RANBP17: variants seen among roughly 807,000 people sequenced by gnomAD.
The protein encoded by RANBP17 is RAN binding protein 17.
Under a neutral mutation model 141.2 loss-of-function variants are expected in RANBP17, and 158 were observed. The ratio of observed to expected loss-of-function variants is 1.12; its 90% confidence interval spans 0.98 to 1.28. The LOEUF (loss-of-function observed/expected upper bound fraction) is 1.28, where lower values mean the gene tolerates loss of function less well. Among genes scored for constraint, RANBP17 ranks in the 50% most tolerant of loss-of-function variants. The pLI is 0.00. For synonymous variants in RANBP17, 430 were observed against 450.0 expected, an observed-to-expected ratio of 0.96 and a Z score of 0.56; for missense variants, 1,438 against 1,290.7, an observed-to-expected ratio of 1.11 and a Z score of -1.75.
chr5:171,090,774 G>A (rs960665253), intron 14 of RANBP17, among the ~76,000 whole-genome samples: 2 of 152,192 alleles, frequency 1.3e-5, no homozygotes, highest in East Asian at 1.9e-4. Flanking sequence ...GGTACAGCCC[G>A]GGCTGTTGCT....
intron 14 of RANBP17, among the ~76,000 whole-genome samples, chr5:171,068,564 T>G (rs1394657676): frequency 7.6e-6 from 1 of 131,356 alleles, no homozygotes; most frequent in African/African-American, 2.8e-5. Flanking sequence ...TGCTGTTACT[T>G]TCCTTTTGTT....
chr5:171,277,995 A>G (rs1334285635), intron 25 of RANBP17, among the ~76,000 whole-genome samples: 1 of 112,662 alleles, frequency 8.9e-6, no homozygotes, highest in Non-Finnish European at 1.7e-5. Context: ...ATTGGACAGG[A>G]GGTAGACATT....
chr5:171,125,389 A>G (rs1561679876), intron 14 of RANBP17, among the ~76,000 whole-genome samples: 1 of 151,372 alleles, frequency 6.6e-6, no homozygotes, highest in African/African-American at 2.4e-5. Context: ...TGTATATCAA[A>G]CAAAGGGTAA....
Position 171,143,812 on chromosome 5 carries a change from A to T in RANBP17, c.1711-26318A>T, listed in dbSNP as rs534756269. 2.0e-5 allele frequency among the ~76,000 whole-genome samples: 3 copies of T among 152,334 alleles called. No homozygotes were observed. In the South Asian group the frequency reaches 6.2e-4, roughly 32 times the overall value. On this transcript the variant is annotated intron_variant, in intron 14 of 27. Coordinates refer to ENST00000523189, the MANE Select transcript of RANBP17 (RefSeq NM_022897.5). The stretch of plus-strand genomic sequence containing the variant: ...TCCTAAGAGAAATTATATTTGAACG[A>T]GGTCTTAAAGATGGAGATGATTTTG...
Position 171,272,371 on chromosome 5 carries a change from A to G in RANBP17, c.2943+6524A>G, listed in dbSNP as rs528703039. The stretch of plus-strand genomic sequence containing the variant: ...AAGCTTTAAAATTTAGAAATTTAAG[A>G]AATAAAATTTTTCAAATGTAAGTGC... On this transcript the variant is annotated intron_variant, in intron 25 of 27. Coordinates refer to ENST00000523189, the MANE Select transcript of RANBP17 (RefSeq NM_022897.5). 3.3e-5 allele frequency among the ~76,000 whole-genome samples: 5 copies of G among 152,326 alleles called. No homozygotes were observed. The South Asian group carries it at 1.0e-3, about 32-fold the overall frequency.
intron 13 of RANBP17, among the ~76,000 whole-genome samples, chr5:170,964,279 A>T (rs1490162928): frequency 6.6e-6 from 1 of 152,232 alleles, no homozygotes; most frequent in African/African-American, 2.4e-5. Context: ...CAAGATTGTT[A>T]ATTGCAGCAT....
At chr5:171,224,086 C>G (rs1171092793) in intron 22 of RANBP17, among the ~76,000 whole-genome samples, 3 of 152,136 alleles carry the variant, frequency 2.0e-5, no homozygotes, top group Non-Finnish European at 4.4e-5. Flanking sequence ...CCTTCCAAAG[C>G]CTTTCTCTTA....
chr5:171,277,637 G>GTGTGTATGTATATA (rs1437482589), intron 25 of RANBP17, among the ~76,000 whole-genome samples: 1 of 56,920 alleles, frequency 1.8e-5, no homozygotes, highest in African/African-American at 5.8e-5. Flanking sequence ...ATATATGTAT[G>GTGTGTATGTATATA]TATATATATA....
At chr5:171,138,885 G>T (rs192220720) in intron 14 of RANBP17, among the ~76,000 whole-genome samples, 1 of 152,092 alleles carries the variant, frequency 6.6e-6, no homozygotes, top group Admixed American at 6.6e-5. Flanking sequence ...AGACTATCCC[G>T]GACAACATAA....
chr5:171,219,308 C>G (rs977048944), intron 21 of RANBP17, among the ~76,000 whole-genome samples: 1 of 152,196 alleles, frequency 6.6e-6, no homozygotes, highest in African/African-American at 2.4e-5. Context: ...ACCTCTCTCT[C>G]TGGCTGCCCT....
chr5:171,279,764 G>T (rs1213519120), intron 25 of RANBP17, among the ~76,000 whole-genome samples: 1 of 151,822 alleles, frequency 6.6e-6, no homozygotes, highest in East Asian at 1.9e-4. Flanking sequence ...ATCCTGCAGT[G>T]ACTGTATGAG....
In RANBP17 at chr5:171,046,311, C is replaced by T. The variant is rs376448332; in HGVS notation, c.1710+77934C>T. Among the ~76,000 whole-genome samples, 73 of 150,274 alleles carry T rather than the reference C, an allele frequency of 4.9e-4. 1 individual carries two copies. Among genetic ancestry groups the T allele is most frequent in the South Asian group, 3.8e-3 (18 of 4,770 alleles). ...GCAACCTCTGCCTCCTGGGTTCAAG[C>T]GATTCTCCTGCCTCAGCCTCCCGAG... On this transcript the variant is annotated intron_variant, in intron 14 of 27. Transcript: ENST00000523189.
Position 170,914,178 on chromosome 5 carries a change from C to T in RANBP17, c.772C>T (p.Pro258Ser), listed in dbSNP as rs767387360. 1 of 1,606,840 alleles carries T rather than the reference C, an allele frequency of 6.2e-7. No homozygotes were observed. Among genetic ancestry groups the T allele is most frequent in the East Asian group, 2.2e-5 (1 of 44,766 alleles). Residue 258 changes from proline (P) to serine (S), a missense_variant, in exon 8 of 28, where the codon CCA (proline) becomes TCA (serine). Coordinates refer to ENST00000523189, the MANE Select transcript of RANBP17 (RefSeq NM_022897.5). ...ATTTTTTTTCCCAGTTTTCCTGGAA[C>T]CAGAAACATTGGATCTTTTCTTCAA... ...PTTWRTIFLE[P>S]ETLDLFFNLY...
intron 4 of RANBP17, among the ~76,000 whole-genome samples, chr5:170,895,045 A>G (rs905369791): frequency 6.6e-6 from 1 of 152,222 alleles, no homozygotes; most frequent in East Asian, 1.9e-4. Context: ...ACTTTGGGGA[A>G]CATTAACCTG....
chr5:170,935,173 T>C (rs1036852785), intron 12 of RANBP17, among the ~76,000 whole-genome samples: 1 of 152,242 alleles, frequency 6.6e-6, no homozygotes, highest in African/African-American at 2.4e-5. Context: ...TAAGGACTTC[T>C]CTACACTGTT....
At chr5:171,018,419 C>G (rs1780605215) in intron 14 of RANBP17, among the ~76,000 whole-genome samples, 1 of 152,010 alleles carries the variant, frequency 6.6e-6, no homozygotes, top group Non-Finnish European at 1.5e-5. Flanking sequence ...TGTTTGTGTC[C>G]TTTCTTATTT....
At chr5:171,139,812 C>T (rs534463106) in intron 14 of RANBP17, among the ~76,000 whole-genome samples, 1 of 152,202 alleles carries the variant, frequency 6.6e-6, no homozygotes, top group Admixed American at 6.5e-5. Context: ...AAAATATAAA[C>T]CTGATTTTGC....
At chr5:171,010,340 C>A (rs530709053) in intron 14 of RANBP17, among the ~76,000 whole-genome samples, 31 of 152,312 alleles carry the variant, frequency 2.0e-4, no homozygotes, top group Admixed American at 1.8e-3. Context: ...TGATTAAGAT[C>A]TTCACGATAA....
At chr5:170,975,661 G>A (rs1417284175) in intron 14 of RANBP17, among the ~76,000 whole-genome samples, 2 of 152,074 alleles carry the variant, frequency 1.3e-5, no homozygotes, top group Non-Finnish European at 2.9e-5. Context: ...TTTTATAAGG[G>A]CACTAATCCC....
Sources: gnomAD v4.1 joint callset for allele counts (sites outside exome capture counted in the v4.1 genomes callset) on GRCh38, gnomAD v4.1.1 for gene constraint, MANE v1.5 for transcripts, NCBI Gene and HGNC (gene_info 2026-07-23, HGNC 2026-07-21) for gene names.